LEPR: variants seen among roughly 807,000 people sequenced by gnomAD.
LEPR encodes leptin receptor.
LEPR carries 56 observed loss-of-function variants against 114.7 expected under a neutral mutation model. That is an observed-to-expected ratio of 0.49 (90% CI 0.39 to 0.61). The LOEUF (loss-of-function observed/expected upper bound fraction) is 0.61, where lower values mean the gene tolerates loss of function less well. Among genes scored for constraint, LEPR ranks in the 20% least tolerant of loss-of-function variants. The probability of loss-of-function intolerance (pLI) is 0.00; values close to 1 mark genes in which losing one functional copy is unlikely to be tolerated. For synonymous variants in LEPR, 443 were observed against 461.4 expected, an observed-to-expected ratio of 0.96 and a Z score of 0.51; for missense variants, 1,202 against 1,352.9, an observed-to-expected ratio of 0.89 and a Z score of 1.75.
intron 5 of LEPR, among the ~76,000 whole-genome samples, chr1:65,579,383 G>A (rs989127304): frequency 6.6e-6 from 1 of 152,146 alleles, no homozygotes; most frequent in Non-Finnish European, 1.5e-5. Context: ...TCGAAGGGGA[G>A]CCATTGAAGA....
At chr1:65,591,328 T>G (rs1275354419) in intron 5 of LEPR, among the ~76,000 whole-genome samples, 1 of 152,126 alleles carries the variant, frequency 6.6e-6, no homozygotes, top group Non-Finnish European at 1.5e-5. Flanking sequence ...GTCTATTAGG[T>G]CAAGTCAGTT....
chr1:65,426,805 T>G (rs574600754), intron 2 of LEPR, among the ~76,000 whole-genome samples: 1 of 152,240 alleles, frequency 6.6e-6, no homozygotes, highest in Non-Finnish European at 1.5e-5. Context: ...GAGACCATCC[T>G]AGGCAACATG....
At chr1:65,567,208 T>A (rs1314026797) in intron 3 of LEPR, among the ~76,000 whole-genome samples, 2 of 152,204 alleles carry the variant, frequency 1.3e-5, no homozygotes, top group African/African-American at 2.4e-5. Flanking sequence ...TAAAATAGAC[T>A]CATCTTTTAA....
rs1161778104 is a variant in LEPR at position 65,435,355 on chromosome 1, CCTTTT to C, written c.-21+9988_-21+9992del. 6 of 893,248 alleles carry C rather than the reference CCTTTT, an allele frequency of 6.7e-6. No homozygotes were observed. The East Asian group carries it at 5.9e-4, about 88-fold the overall frequency. 55.3% of individuals were successfully genotyped at this position (893,248 alleles called of 1,614,324 possible). On this transcript the variant is annotated intron_variant, in intron 2 of 19. Coordinates refer to ENST00000349533, the MANE Select transcript of LEPR (RefSeq NM_002303.6). ...TGCTTAGGTGGTGTCACAAAATGTGCCTTTTCTTTTCTTTTTTTTTTTTTTTTTTT... is the reference window on the plus strand; with the variant it reads ...TGCTTAGGTGGTGTCACAAAATGTGCCTTTTCTTTTTTTTTTTTTTTTTTT...
chr1:65,555,278 T>C (rs1026586041), intron 2 of LEPR, among the ~76,000 whole-genome samples: 4 of 152,208 alleles, frequency 2.6e-5, no homozygotes, highest in Non-Finnish European at 4.4e-5. Flanking sequence ...ATGCACAGCA[T>C]ATAAAAAATG....
rs185557657 is a variant in LEPR, at chr1:65,633,811, G to A, written c.2674-2380G>A. The A allele has an allele frequency of 4.2e-5, 41 of 985,542 alleles. No individual in the cohort carries two copies. The East Asian group carries it at 1.2e-3, about 30-fold the overall frequency. The allele number at this position is 985,542 out of a possible 1,614,324, so 61.0% of individuals were successfully genotyped here. A position where few individuals can be genotyped will look rare whatever the true frequency, so the allele number is the denominator to read the frequency against. Reference sequence around the variant, plus strand: ...GAAAATGGCTTAAGTGATAACTTCCGTTTCAGTTAAAAGGAAGCCCGAAGT... The same window carrying A: ...GAAAATGGCTTAAGTGATAACTTCCATTTCAGTTAAAAGGAAGCCCGAAGT... On this transcript the variant is annotated intron_variant, in intron 19 of 19. Coordinates refer to ENST00000349533, the MANE Select transcript of LEPR (RefSeq NM_002303.6). This position sits in a 1 kb window ranked among gnomAD's most constrained non-coding sequence, Gnocchi z 4.1.
chr1:65,618,156 C>T lies in LEPR; in HGVS notation c.2395+10C>T. On this transcript the variant is annotated intron_variant, in intron 16 of 19. Coordinates refer to ENST00000349533, the MANE Select transcript of LEPR (RefSeq NM_002303.6). Reference sequence around the variant, plus strand: ...AAGTATTATATCCATGGTAAGTTTACTATACTTTAGTAAGTTGCTCTCATG... The same window carrying T: ...AAGTATTATATCCATGGTAAGTTTATTATACTTTAGTAAGTTGCTCTCATG... 6.3e-7 allele frequency: 1 copy of T among 1,597,556 alleles called. No individual in the cohort carries two copies. The highest frequency in any genetic ancestry group is 8.5e-7 in the Non-Finnish European group (1 of 1,170,666).
At chr1:65,470,609 T>C (rs1647071525) in intron 2 of LEPR, among the ~76,000 whole-genome samples, 1 of 152,186 alleles carries the variant, frequency 6.6e-6, no homozygotes, top group African/African-American at 2.4e-5. Flanking sequence ...GAGGGAAATT[T>C]CTGATTTTAG....
intron 2 of LEPR, among the ~76,000 whole-genome samples, chr1:65,531,344 A>T (rs1650380872): frequency 6.6e-6 from 1 of 151,972 alleles, no homozygotes; most frequent in African/African-American, 2.4e-5. Context: ...AATGAGGCCT[A>T]CTCTGATTAC....
intron 2 of LEPR, among the ~76,000 whole-genome samples, chr1:65,531,876 G>A (rs1033513110): frequency 1.2e-4 from 17 of 146,554 alleles, no homozygotes; most frequent in East Asian, 1.9e-4. Context: ...GCTAGTATAC[G>A]AAGTTTCTTT....
intron 2 of LEPR, among the ~76,000 whole-genome samples, chr1:65,509,112 A>G (rs2100547928): frequency 6.6e-6 from 1 of 152,258 alleles, no homozygotes; most frequent in South Asian, 2.1e-4. Context: ...TTTTCCATCT[A>G]TAAGAGCATG....
At chr1:65,461,273 C>A (rs1430660640) in intron 2 of LEPR, among the ~76,000 whole-genome samples, 1 of 152,140 alleles carries the variant, frequency 6.6e-6, no homozygotes, top group Non-Finnish European at 1.5e-5. Flanking sequence ...CCATGCCTGG[C>A]CCCAGATCCA....
chr1:65,587,964 A>G (rs974393759), intron 5 of LEPR, among the ~76,000 whole-genome samples: 3 of 152,028 alleles, frequency 2.0e-5, no homozygotes, highest in African/African-American at 7.2e-5. Context: ...TTTTCCCTCT[A>G]CAAGGACTGC....
chr1:65,450,511 G>C (rs1373004227), intron 2 of LEPR, among the ~76,000 whole-genome samples: 2 of 143,158 alleles, frequency 1.4e-5, no homozygotes, highest in East Asian at 4.0e-4. Flanking sequence ...CCACCTATGA[G>C]TGAGAATATG....
chr1:65,422,228 T>A lies in LEPR; in HGVS notation c.-97+1488T>A, dbSNP rs189212385. ...CCTAATCCAATGACTGGTGTCCTTA[T>A]AAGAAGAGGGGAATTTAGACATAGA... On this transcript the variant is annotated intron_variant, in intron 1 of 19. Coordinates refer to ENST00000349533, the MANE Select transcript of LEPR (RefSeq NM_002303.6). Among the ~76,000 whole-genome samples the A allele has an allele frequency of 2.9e-3, 446 of 152,276 alleles. 5 individuals are homozygous for A. Among genetic ancestry groups the A allele is most frequent in the African/African-American group, 1.0e-2 (415 of 41,548 alleles).
At chr1:65,575,204 C>A (rs149543518) in intron 5 of LEPR, among the ~76,000 whole-genome samples, 6 of 152,122 alleles carry the variant, frequency 3.9e-5, no homozygotes, top group African/African-American at 2.4e-5. Context: ...CTAGCTCCCC[C>A]ACAGGTAGAA....
chr1:65,622,761 T>C (rs1327484853), intron 18 of LEPR, 145 bp from the exon 19 acceptor site: 1 of 758,720 alleles, frequency 1.3e-6, no homozygotes, highest in African/African-American at 1.8e-5. Flanking sequence ...GAAATCTTCA[T>C]GGGCTAGCAT....
intron 5 of LEPR, among the ~76,000 whole-genome samples, chr1:65,580,750 G>A (rs566554910): frequency 6.6e-6 from 1 of 152,330 alleles, no homozygotes; most frequent in Admixed American, 6.5e-5. Context: ...AGTTTGGAAA[G>A]GCTGTGCTGT....
chr1:65,465,742 G>A (rs1454335433), intron 2 of LEPR, among the ~76,000 whole-genome samples: 1 of 152,176 alleles, frequency 6.6e-6, no homozygotes, highest in Non-Finnish European at 1.5e-5. Context: ...AGGATAGTTA[G>A]GTCTTCTTGT....
Sources: gnomAD v4.1 joint callset for allele counts (sites outside exome capture counted in the v4.1 genomes callset) on GRCh38, gnomAD v4.1.1 for gene constraint, Gnocchi (gnomAD v3.1) non-coding constraint, MANE v1.5 for transcripts, NCBI Gene and HGNC (gene_info 2026-07-23, HGNC 2026-07-21) for gene names.